PLXDC2: variants seen among roughly 807,000 people sequenced by gnomAD.
PLXDC2 encodes plexin domain-containing protein 2.
PLXDC2 carries 40 observed loss-of-function variants against 68.9 expected under a neutral mutation model. The observed-to-expected ratio is 0.58, with a 90% CI of 0.45 to 0.76. The LOEUF (loss-of-function observed/expected upper bound fraction) is 0.76, where lower values mean the gene tolerates loss of function less well. Among genes scored for constraint, PLXDC2 ranks in the 30% least tolerant of loss-of-function variants. PLXDC2 has a pLI of 0.00. For missense variants in PLXDC2, 644 were observed against 661.9 expected, an observed-to-expected ratio of 0.97 and a Z score of 0.30; for synonymous variants, 243 against 234.2, an observed-to-expected ratio of 1.04 and a Z score of -0.34.
At chr10:20,155,289 T>C (rs1207163919) in intron 6 of PLXDC2, among the ~76,000 whole-genome samples, 2 of 152,116 alleles carry the variant, frequency 1.3e-5, no homozygotes, top group Non-Finnish European at 2.9e-5. Context: ...GTAGAATTTA[T>C]AGAAAAAAGG....
chr10:20,126,096 AC>A (rs1199259329), intron 4 of PLXDC2, among the ~76,000 whole-genome samples: 5 of 147,912 alleles, frequency 3.4e-5, no homozygotes, highest in African/African-American at 9.8e-5. Context: ...GCTATATAAA[AC>A]ATCAATATGT....
chr10:19,873,635 C>T (rs1257590741), intron 1 of PLXDC2, among the ~76,000 whole-genome samples: 1 of 152,046 alleles, frequency 6.6e-6, no homozygotes, highest in Non-Finnish European at 1.5e-5. Context: ...ATCCTTTGCA[C>T]ATTGAACCAG....
chr10:20,192,477 C>A (rs1251670036), intron 9 of PLXDC2, among the ~76,000 whole-genome samples: 4 of 151,884 alleles, frequency 2.6e-5, no homozygotes, highest in Non-Finnish European at 4.4e-5. Context: ...ACAGACTGGA[C>A]AAAGTAATAA....
chr10:20,147,457 T>G (rs1834094754), intron 5 of PLXDC2, among the ~76,000 whole-genome samples: 1 of 152,194 alleles, frequency 6.6e-6, no homozygotes, highest in Non-Finnish European at 1.5e-5. Context: ...TGGGCTGCAT[T>G]TTGAAAGTGG....
chr10:20,199,940 A>G (rs971436650), intron 9 of PLXDC2, among the ~76,000 whole-genome samples: 2 of 151,990 alleles, frequency 1.3e-5, no homozygotes, highest in Non-Finnish European at 2.9e-5. Context: ...TTTTCACCCT[A>G]TTCCAAAATA....
rs545924148 is a variant in PLXDC2 at position 20,282,868 on chromosome 10, A to G, written c.*3049A>G. 13 of 152,346 alleles carry G rather than the reference A, an allele frequency of 8.5e-5. No individual in the cohort carries two copies. The highest frequency in any genetic ancestry group is 2.1e-4 in the South Asian group (1 of 4,826). The allele number at this position is 152,346 out of a possible 1,614,324, so 9.4% of individuals were successfully genotyped here. A position where few individuals can be genotyped will look rare whatever the true frequency, so the allele number is the denominator to read the frequency against. The stretch of plus-strand genomic sequence containing the variant: ...TTTGAGGTATCAAGGGCATTTGCCA[A>G]TCTCTTATATGTAGCTTCTAGAGTT... On this transcript the variant is annotated 3_prime_UTR_variant, in exon 14 of 14. Coordinates refer to ENST00000377252, the MANE Select transcript of PLXDC2 (RefSeq NM_032812.9).
At chr10:20,177,799 T>C (rs1834549331) in intron 9 of PLXDC2, among the ~76,000 whole-genome samples, 1 of 152,136 alleles carries the variant, frequency 6.6e-6, no homozygotes, top group African/African-American at 2.4e-5. Context: ...AAGTGTAGCA[T>C]ATGTATGCAT....
chr10:20,122,302 G>C (rs936018557), intron 4 of PLXDC2, among the ~76,000 whole-genome samples: 2 of 152,130 alleles, frequency 1.3e-5, no homozygotes, highest in Non-Finnish European at 1.5e-5. Context: ...AAGGTAATGC[G>C]GAGTGAGTAG....
At chr10:20,065,340 C>T (rs941737634) in intron 3 of PLXDC2, among the ~76,000 whole-genome samples, 5 of 152,124 alleles carry the variant, frequency 3.3e-5, no homozygotes, top group African/African-American at 1.2e-4. Flanking sequence ...CCCTAGAACT[C>T]ATGTTCACCA....
intron 1 of PLXDC2, among the ~76,000 whole-genome samples, chr10:19,836,119 G>A (rs1423769270): frequency 6.6e-6 from 1 of 152,156 alleles, no homozygotes; most frequent in African/African-American, 2.4e-5. Context: ...TGAGGCTGCA[G>A]TGAGCCAAGA....
intron 1 of PLXDC2, among the ~76,000 whole-genome samples, chr10:19,922,175 A>C (rs2131381711): frequency 6.6e-6 from 1 of 152,302 alleles, no homozygotes; most frequent in South Asian, 2.1e-4. Flanking sequence ...ACTGTGTCTA[A>C]ATGTTTTACC....
At chr10:20,025,438 CTTTAG>C (rs1835383288) in intron 2 of PLXDC2, among the ~76,000 whole-genome samples, 1 of 151,768 alleles carries the variant, frequency 6.6e-6, no homozygotes, top group South Asian at 2.1e-4. Context: ...AATTTTTTAT[CTTTAG>C]TAAAGACAGG....
chr10:19,964,886 G>C (rs762983774), intron 1 of PLXDC2, among the ~76,000 whole-genome samples: 6 of 152,132 alleles, frequency 3.9e-5, no homozygotes, highest in Non-Finnish European at 7.4e-5. Flanking sequence ...CCAGGCTTCT[G>C]TTGCAACCAC....
intron 1 of PLXDC2, among the ~76,000 whole-genome samples, chr10:19,883,195 C>T (rs1367238231): frequency 6.6e-6 from 1 of 152,100 alleles, no homozygotes; most frequent in Non-Finnish European, 1.5e-5. Context: ...ATCTCCTGAC[C>T]TCATGATCCG....
intron 13 of PLXDC2, among the ~76,000 whole-genome samples, chr10:20,259,509 C>G (rs1172471983): frequency 6.6e-6 from 1 of 152,150 alleles, no homozygotes; most frequent in Non-Finnish European, 1.5e-5. Flanking sequence ...AAAAAATTAG[C>G]TGACAGTTTA....
chr10:20,114,066 G>A (rs1193789706), intron 4 of PLXDC2, among the ~76,000 whole-genome samples: 2 of 152,212 alleles, frequency 1.3e-5, no homozygotes, highest in Admixed American at 6.5e-5. Flanking sequence ...GGAGGTTGCA[G>A]TGAGCCGAGA....
chr10:20,075,550 T>C (rs1439177771), intron 4 of PLXDC2, among the ~76,000 whole-genome samples: 1 of 152,146 alleles, frequency 6.6e-6, no homozygotes, highest in Admixed American at 6.5e-5. Context: ...TGCATGTCTG[T>C]CCATACATGC....
rs1836166636 is a variant in PLXDC2, at chr10:20,287,164, A to T, written c.*7345A>T. On this transcript the variant is annotated 3_prime_UTR_variant, in exon 14 of 14. Transcript: ENST00000377252. ...ACCCCTGACATAGAGAAAGCAAAGG[A>T]TATGCCTATGATTAGTCTAAAATGC... 6.6e-6 allele frequency: 1 copy of T among 152,238 alleles called. No individual in the cohort carries two copies. The highest frequency in any genetic ancestry group is 6.5e-5 in the Admixed American group (1 of 15,282). 9.4% of individuals were successfully genotyped at this position (152,238 alleles called of 1,614,324 possible). A position where few individuals can be genotyped will look rare whatever the true frequency, so the allele number is the denominator to read the frequency against.
chr10:19,839,635 G>GTT (rs1554838987), intron 1 of PLXDC2, among the ~76,000 whole-genome samples: 140 of 147,306 alleles, frequency 9.5e-4, no homozygotes, highest in African/African-American at 2.4e-3. Flanking sequence ...ACATGTTGGT[G>GTT]TTTTTTTTTT....
Sources: gnomAD v4.1 joint callset for allele counts (sites outside exome capture counted in the v4.1 genomes callset) on GRCh38, gnomAD v4.1.1 for gene constraint, MANE v1.5 for transcripts, NCBI Gene and HGNC (gene_info 2026-07-23, HGNC 2026-07-21) for gene names.